Variants in CSMD1 observed in about 807,000 individuals in gnomAD.
CSMD1 encodes the protein CUB and sushi domain-containing protein 1.
In CSMD1, 213 loss-of-function variants were observed where a neutral mutation model predicts 417.5. The ratio of observed to expected loss-of-function variants is 0.51; its 90% CI spans 0.46 to 0.57. The LOEUF is 0.57. CSMD1 is among the 20% of genes least tolerant of loss of function. CSMD1 has a pLI of 0.00. For synonymous variants in CSMD1, 2,862 were observed against 1,736.8 expected (o/e 1.65, Z -16.11); for missense variants, 6,923 against 4,529.7 (o/e 1.53, Z -15.17).
At chr8:3,078,451 A>G (rs565014990) in intron 49 of CSMD1, among the ~76,000 whole-genome samples, 1 of 152,330 alleles carries the variant, frequency 6.6e-6, no homozygotes, top group East Asian at 1.9e-4. Context: ...AAAATGCCTG[A>G]CATATAATTT....
chr8:3,969,008 T>C (rs574304780), intron 5 of CSMD1, among the ~76,000 whole-genome samples: 42 of 152,292 alleles, frequency 2.8e-4, no homozygotes, highest in Middle Eastern at 3.4e-3. Context: ...ATCAGCACTT[T>C]GGAAGGCCGA....
At chr8:4,195,935 G>C (rs144249204) in intron 3 of CSMD1, among the ~76,000 whole-genome samples, 2,584 of 152,176 alleles carry the variant, frequency 0.017, 75 homozygotes, top group African/African-American at 0.059. Context: ...TGCCAGGCCG[G>C]GCGCGGTGGC....
intron 2 of CSMD1, among the ~76,000 whole-genome samples, chr8:4,452,700 C>A (rs1360376824): frequency 6.6e-6 from 1 of 152,112 alleles, no homozygotes; most frequent in Non-Finnish European, 1.5e-5. Context: ...TCCTGATACT[C>A]TCAATTACAT....
chr8:3,438,908 G>C (rs1814752581), intron 12 of CSMD1, among the ~76,000 whole-genome samples: 1 of 151,562 alleles, frequency 6.6e-6, no homozygotes, highest in South Asian at 2.1e-4. Flanking sequence ...CTGAGGTTAG[G>C]AGTTCAAGAT....
At chr8:4,901,661 T>C (rs1445607364) in intron 1 of CSMD1, among the ~76,000 whole-genome samples, 1 of 152,206 alleles carries the variant, frequency 6.6e-6, no homozygotes, top group East Asian at 1.9e-4. Context: ...CAAGGCTCTT[T>C]GTAGCTTTAA....
chr8:3,970,601 A>T (rs769202021), intron 5 of CSMD1, among the ~76,000 whole-genome samples: 5 of 152,188 alleles, frequency 3.3e-5, no homozygotes, highest in Non-Finnish European at 7.3e-5. Context: ...ATGAATAGCA[A>T]AGGATCTAGG....
intron 26 of CSMD1, among the ~76,000 whole-genome samples, chr8:3,257,127 G>T (rs199876729): frequency 6.6e-6 from 1 of 152,148 alleles, no homozygotes; most frequent in African/African-American, 2.4e-5. Flanking sequence ...TTTGAGACCA[G>T]CCTGGCCAAC....
chr8:3,512,133 C>A (rs549744540), intron 10 of CSMD1, among the ~76,000 whole-genome samples: 2 of 152,296 alleles, frequency 1.3e-5, no homozygotes, highest in African/African-American at 2.4e-5. Context: ...GTGGCCCCAA[C>A]CACGCTCATA....
chr8:4,598,265 A>G (rs545972004), intron 2 of CSMD1, among the ~76,000 whole-genome samples: 1 of 152,296 alleles, frequency 6.6e-6, no homozygotes, highest in East Asian at 1.9e-4. Flanking sequence ...ACCTTGCTCA[A>G]ACACAATGAT....
intron 4 of CSMD1, among the ~76,000 whole-genome samples, chr8:3,998,760 T>C (rs1815425242): frequency 6.6e-6 from 1 of 151,954 alleles, no homozygotes; most frequent in East Asian, 1.9e-4. Flanking sequence ...AAAAAATTAT[T>C]GGTTAGAAAG....
intron 3 of CSMD1, among the ~76,000 whole-genome samples, chr8:4,040,756 C>T (rs1183174588): frequency 1.3e-5 from 2 of 152,100 alleles, no homozygotes; most frequent in African/African-American, 4.8e-5. Flanking sequence ...AGGTAAGCGA[C>T]CAGTTGGCAA....
intron 1 of CSMD1, among the ~76,000 whole-genome samples, chr8:4,900,021 C>A (rs552269855): frequency 3.2e-4 from 49 of 152,268 alleles, no homozygotes; most frequent in African/African-American, 1.1e-3. Flanking sequence ...CTATTCTCTT[C>A]TCTCTTCCTC....
intron 28 of CSMD1, among the ~76,000 whole-genome samples, chr8:3,221,053 T>A (rs1038206278): frequency 1.3e-5 from 2 of 149,414 alleles, no homozygotes; most frequent in African/African-American, 2.5e-5. Flanking sequence ...TGTTTTGTAA[T>A]CACTAAAATG....
chr8:3,004,743 C>A (rs945233546), intron 52 of CSMD1, among the ~76,000 whole-genome samples: 1 of 152,150 alleles, frequency 6.6e-6, no homozygotes, highest in African/African-American at 2.4e-5. Context: ...AATTCACCAA[C>A]CACTTAAAAT....
chr8:3,024,496 A>G (rs559194257), intron 51 of CSMD1, among the ~76,000 whole-genome samples: 21 of 152,246 alleles, frequency 1.4e-4, no homozygotes, highest in Non-Finnish European at 2.4e-4. Context: ...TAGTAGAGAC[A>G]GGGTTTCACC....
chr8:4,797,435 A>T (rs2117264658), intron 1 of CSMD1, among the ~76,000 whole-genome samples: 1 of 152,286 alleles, frequency 6.6e-6, no homozygotes, highest in South Asian at 2.1e-4. Context: ...AAAGCAGAAC[A>T]CCTAAGTACC....
chr8:4,212,023 C>A (rs1028442908), intron 3 of CSMD1, among the ~76,000 whole-genome samples: 1 of 151,960 alleles, frequency 6.6e-6, no homozygotes, highest in Admixed American at 6.6e-5. Flanking sequence ...ATTTGTGCAG[C>A]TGTAATGCAA....
chr8:4,899,731 T>G (rs911667065), intron 1 of CSMD1, among the ~76,000 whole-genome samples: 38 of 152,202 alleles, frequency 2.5e-4, no homozygotes, highest in African/African-American at 8.9e-4. Context: ...CACTGGACCT[T>G]TTTCTTGTGG....
intron 5 of CSMD1, among the ~76,000 whole-genome samples, chr8:3,944,991 G>T (rs190187856): frequency 2.6e-5 from 4 of 152,190 alleles, no homozygotes; most frequent in African/African-American, 9.6e-5. Flanking sequence ...CATCTAATGC[G>T]GTTCACCCGC....
Sources: gnomAD v4.1 joint callset for allele counts (sites outside exome capture counted in the v4.1 genomes callset) on GRCh38, gnomAD v4.1.1 for gene constraint, MANE v1.5 for transcripts, NCBI Gene and HGNC (gene_info 2026-07-23, HGNC 2026-07-21) for gene names.